ARIH1: variants seen among roughly 807,000 people sequenced by gnomAD.
ARIH1 encodes the protein ariadne RBR E3 ubiquitin protein ligase 1.
ARIH1 carries 8 observed loss-of-function variants against 85.0 expected under a neutral mutation model. The ratio of observed to expected loss-of-function variants is 0.09; its 90% confidence interval spans 0.06 to 0.17. The LOEUF is 0.17. Among genes scored for constraint, ARIH1 ranks in the 10% least tolerant of loss-of-function variants. The pLI is 1.00. For missense variants in ARIH1, 311 were observed against 718.1 expected (o/e 0.43, Z 6.48); for synonymous variants, 238 against 253.6 (o/e 0.94, Z 0.59).
At chr15:72,555,201 G>A in intron 3 of ARIH1, 70 bp from the exon 4 acceptor site, 1 of 1,139,728 alleles carries the variant, frequency 8.8e-7, no homozygotes, top group Middle Eastern at 2.0e-4. Flanking sequence ...ACAGAGCCCT[G>A]TTGAGTCACT....
chr15:72,586,672 G>C lies in ARIH1; in HGVS notation c.*3380G>C, dbSNP rs1315195088. The C allele has an allele frequency of 2.0e-5, 3 of 152,292 alleles. No homozygotes were observed. Among genetic ancestry groups the C allele is most frequent in the Admixed American group, 6.6e-5 (1 of 15,250 alleles). The allele number at this position is 152,292 out of a possible 1,614,324, so 9.4% of individuals were successfully genotyped here. ...CACTTAATATAAAATGTCAAAAATTGGTTGTTTCTTTGCAGGGAACTGTGA... is the reference window on the plus strand; with the variant it reads ...CACTTAATATAAAATGTCAAAAATTCGTTGTTTCTTTGCAGGGAACTGTGA... On this transcript the variant is annotated 3_prime_UTR_variant, in exon 14 of 14. Coordinates refer to ENST00000379887, the MANE Select transcript of ARIH1 (RefSeq NM_005744.5).
At chr15:72,510,686 G>A (rs1329753459) in intron 1 of ARIH1, among the ~76,000 whole-genome samples, 1 of 117,276 alleles carries the variant, frequency 8.5e-6, no homozygotes, top group Non-Finnish European at 1.6e-5. Context: ...GCAGTGAGCC[G>A]AGATCACGCC....
At chr15:72,556,079 G>C (rs1272385579) in intron 5 of ARIH1, among the ~76,000 whole-genome samples, 172 bp downstream of exon 5, 4 of 152,194 alleles carry the variant, frequency 2.6e-5, no homozygotes, top group African/African-American at 9.7e-5. Context: ...TTAAATGCCT[G>C]ATCACTATTC....
At chr15:72,489,103 T>G (rs2063848592) in intron 1 of ARIH1, among the ~76,000 whole-genome samples, 1 of 151,764 alleles carries the variant, frequency 6.6e-6, no homozygotes, top group Non-Finnish European at 1.5e-5. Context: ...TTAGCTGGGC[T>G]TGGTGGCATG....
intron 1 of ARIH1, among the ~76,000 whole-genome samples, chr15:72,508,106 G>A (rs1429155765): frequency 6.6e-6 from 1 of 152,192 alleles, no homozygotes. Context: ...CCAATTAATG[G>A]TATTTTTTAA....
intron 2 of ARIH1, among the ~76,000 whole-genome samples, chr15:72,537,221 G>T (rs986630740): frequency 4.6e-5 from 7 of 152,088 alleles, no homozygotes; most frequent in African/African-American, 1.7e-4. Flanking sequence ...AACTTACCTA[G>T]TAGAGGTATG....
At chr15:72,551,958 C>A (rs1218461655) in intron 3 of ARIH1, among the ~76,000 whole-genome samples, 2 of 152,008 alleles carry the variant, frequency 1.3e-5, no homozygotes, top group African/African-American at 4.8e-5. Flanking sequence ...TGGCAAAGAT[C>A]AAGGAGTTGG....
rs548881097 is a variant in ARIH1 at position 72,590,405 on chromosome 15, C to T, written c.*7113C>T. ...ATCTCTTCAAAACAGATGCCTCTTTCGTTGGTGACCTCAGATACACTGTTC... is the reference window on the plus strand; with the variant it reads ...ATCTCTTCAAAACAGATGCCTCTTTTGTTGGTGACCTCAGATACACTGTTC... On this transcript the variant is annotated 3_prime_UTR_variant, in exon 14 of 14. Coordinates refer to ENST00000379887, the MANE Select transcript of ARIH1 (RefSeq NM_005744.5). 5 of 152,292 alleles carry T rather than the reference C, an allele frequency of 3.3e-5. No homozygotes were observed. In the South Asian group the frequency reaches 6.2e-4, roughly 19 times the overall value. The allele number at this position is 152,292 out of a possible 1,614,324, so 9.4% of individuals were successfully genotyped here. A position where few individuals can be genotyped will look rare whatever the true frequency, so the allele number is the denominator to read the frequency against.
chr15:72,530,529 C>T (rs961085652), intron 2 of ARIH1, among the ~76,000 whole-genome samples: 4 of 152,140 alleles, frequency 2.6e-5, no homozygotes, highest in African/African-American at 4.8e-5. Context: ...AGATAGCCCC[C>T]GTATATAACA....
Position 72,597,076 on chromosome 15 carries a change from T to G in ARIH1, c.*13784T>G, listed in dbSNP as rs2064366159. ...AATCTTATTTTCTTGCTTTTGCACG[T>G]CTTGTATATTTGATTGGATGATGGA... On this transcript the variant is annotated 3_prime_UTR_variant, in exon 14 of 14. Coordinates refer to ENST00000379887, the MANE Select transcript of ARIH1 (RefSeq NM_005744.5). The G allele has an allele frequency of 6.6e-6, 1 of 152,012 alleles. No individual in the cohort carries two copies. The highest frequency in any genetic ancestry group is 2.4e-5 in the African/African-American group (1 of 41,384). 9.4% of individuals were successfully genotyped at this position (152,012 alleles called of 1,614,324 possible). A position where few individuals can be genotyped will look rare whatever the true frequency, so the allele number is the denominator to read the frequency against.
At chr15:72,555,031 A>T (rs901315023) in intron 3 of ARIH1, among the ~76,000 whole-genome samples, 3 of 152,076 alleles carry the variant, frequency 2.0e-5, no homozygotes, top group African/African-American at 7.2e-5. Context: ...TCATATGCTC[A>T]TTTGTCTTTT....
At position 72,583,219 on chromosome 15, in the gene ARIH1, G is replaced by A; in HGVS notation, c.1601G>A (p.Ser534Asn). The A allele has an allele frequency of 6.2e-7, 1 of 1,610,992 alleles. No individual in the cohort carries two copies. Among genetic ancestry groups the A allele is most frequent in the Non-Finnish European group, 8.5e-7 (1 of 1,178,338 alleles). ...CTCTTTGATTACAGATACTGTGAGAGTCGACGAAGGGTTTTGTTACAGCAT... is the reference window on the plus strand; with the variant it reads ...CTCTTTGATTACAGATACTGTGAGAATCGACGAAGGGTTTTGTTACAGCAT... ...KVQDKYRYCE[S>N]RRRVLLQHVH... The change falls in exon 14 of 14, where the codon AGT becomes AAT. Residue 534 changes from serine (S) to asparagine (N), a missense_variant. Physicochemically the swap from Ser to Asn is conservative, Grantham distance 46 (BLOSUM62 1). Transcript: ENST00000379887.
In ARIH1 at chr15:72,583,191, T is replaced by G; in HGVS notation, c.1590-17T>G. 1 of 1,586,410 alleles carries G rather than the reference T, an allele frequency of 6.3e-7. No homozygotes were observed. Among genetic ancestry groups the G allele is most frequent in the South Asian group, 1.2e-5 (1 of 86,710 alleles). ...GAGGCTGACAACAAGTTTTTTTTTTTTTCTCTTTGATTACAGATACTGTGA... is the reference window on the plus strand; with the variant it reads ...GAGGCTGACAACAAGTTTTTTTTTTGTTCTCTTTGATTACAGATACTGTGA... On this transcript the variant is annotated splice_polypyrimidine_tract_variant and intron_variant, in intron 13 of 13. Transcript: ENST00000379887.
intron 1 of ARIH1, among the ~76,000 whole-genome samples, chr15:72,502,454 G>A (rs1185466777): frequency 6.6e-6 from 1 of 152,096 alleles, no homozygotes; most frequent in African/African-American, 2.4e-5. Context: ...TGTATTTATA[G>A]GATTGCCAAC....
At chr15:72,479,139 C>T (rs1222237233) in intron 1 of ARIH1, among the ~76,000 whole-genome samples, 2 of 152,164 alleles carry the variant, frequency 1.3e-5, no homozygotes, top group East Asian at 1.9e-4. Flanking sequence ...TTTTGAGCAC[C>T]GTTGTGATGC....
At position 72,545,310 on chromosome 15, in the gene ARIH1, G is replaced by A. The variant is rs557057736; in HGVS notation, c.588+346G>A. Among the ~76,000 whole-genome samples, 4 of 152,248 alleles carry A rather than the reference G, an allele frequency of 2.6e-5. No individual in the cohort carries two copies. The East Asian group carries it at 7.7e-4, about 29-fold the overall frequency. ...ATTAAAATAGATTTAAACTTTAAGT[G>A]TTTTTTAAATATCCAGAAACACTCA... On this transcript the variant is annotated intron_variant, in intron 3 of 13. Transcript: ENST00000379887.
chr15:72,485,461 T>C (rs1034426773), intron 1 of ARIH1, among the ~76,000 whole-genome samples: 1 of 152,182 alleles, frequency 6.6e-6, no homozygotes, highest in Admixed American at 6.6e-5. Context: ...CCGTCTCTGC[T>C]TAACTACAAA....
chr15:72,576,231 C>T (rs1242599654), intron 11 of ARIH1, among the ~76,000 whole-genome samples: 3 of 151,976 alleles, frequency 2.0e-5, no homozygotes, highest in Non-Finnish European at 4.4e-5. Context: ...AGGGGCCGGG[C>T]GCGGTGGCTC....
At chr15:72,532,416 G>T (rs2064061697) in intron 2 of ARIH1, among the ~76,000 whole-genome samples, 1 of 152,088 alleles carries the variant, frequency 6.6e-6, no homozygotes, top group East Asian at 1.9e-4. Context: ...TAAGTATAAA[G>T]AAATGAAATC....
Sources: gnomAD v4.1 joint callset for allele counts (sites outside exome capture counted in the v4.1 genomes callset) on GRCh38, gnomAD v4.1.1 for gene constraint, MANE v1.5 for transcripts, NCBI Gene and HGNC (gene_info 2026-07-23, HGNC 2026-07-21) for gene names.